The following TENM1 variants were observed in gnomAD, a reference collection of about 807,000 sequenced individuals.
TENM1 encodes the protein teneurin-1.
Under a neutral mutation model 174.8 loss-of-function variants are expected in TENM1, and 35 were observed. The observed-to-expected ratio is 0.20, with a 90% confidence interval of 0.15 to 0.27. TENM1 has a LOEUF of 0.27. Ranked by LOEUF, TENM1 falls within the 10% of genes least tolerant of loss-of-function variation. The pLI is 1.00. For missense variants in TENM1, 1,633 were observed against 2,130.1 expected (o/e 0.77, Z 4.59); for synonymous variants, 781 against 798.7 (o/e 0.98, Z 0.37).
intron 23 of TENM1, among the ~76,000 whole-genome samples, chrX:124,437,560 G>A (rs191932414): frequency 8.9e-6 from 1 of 111,894 alleles, no homozygotes; most frequent in East Asian, 2.8e-4. Flanking sequence ...GGTCGATCAT[G>A]TGACTCTCCC....
chrX:124,513,222 G>A (rs1394986423), intron 18 of TENM1, among the ~76,000 whole-genome samples: 2 of 111,509 alleles, frequency 1.8e-5, no homozygotes, highest in African/African-American at 6.5e-5. Context: ...GCCTTTTCCA[G>A]CTTCTAGTAG....
chrX:124,972,534 T>C, the TENM1 span, among the ~76,000 whole-genome samples: 10,720 of 111,741 alleles, frequency 0.096, 1,230 homozygotes, highest in African/African-American at 0.33. Context: ...AATTATAGTT[T>C]GATTGAATTC....
chrX:125,172,848 C>T, the TENM1 span, among the ~76,000 whole-genome samples: 2 of 111,378 alleles, frequency 1.8e-5, no homozygotes, highest in Non-Finnish European at 3.8e-5. Flanking sequence ...GCAAATACTA[C>T]ACAAATATTG....
intron 1 of TENM1, among the ~76,000 whole-genome samples, chrX:124,921,011 A>T (rs1309470145): frequency 6.6e-5 from 6 of 90,502 alleles, no homozygotes; most frequent in Non-Finnish European, 8.7e-5. Context: ...TTTTTTTTTT[A>T]AAGACCTTAC....
At chrX:125,202,155 A>G in the TENM1 span, among the ~76,000 whole-genome samples, 1 of 111,944 alleles carries the variant, frequency 8.9e-6, no homozygotes, top group African/African-American at 3.3e-5. Context: ...GAACTGGGCT[A>G]TTTCAGCCAA....
At chrX:124,476,370 C>G (rs1472804571) in intron 22 of TENM1, among the ~76,000 whole-genome samples, 1 of 111,977 alleles carries the variant, frequency 8.9e-6, no homozygotes, top group Non-Finnish European at 1.9e-5. Context: ...TTCTTAATTT[C>G]CAATAAAGTT....
chrX:124,834,557 C>T (rs373979167), intron 3 of TENM1, among the ~76,000 whole-genome samples: 15 of 111,871 alleles, frequency 1.3e-4, no homozygotes, highest in African/African-American at 4.9e-4. Context: ...CTTGTAACTG[C>T]TGCTAAGGGG....
At chrX:125,001,852 TACAC>T in the TENM1 span, among the ~76,000 whole-genome samples, 3,578 of 84,826 alleles carry the variant, frequency 0.042, 221 homozygotes, top group African/African-American at 0.14. Flanking sequence ...TATAGATAGA[TACAC>T]ACACACACAC....
chrX:125,197,082 T>G, the TENM1 span, among the ~76,000 whole-genome samples: 1 of 111,618 alleles, frequency 9.0e-6, no homozygotes, highest in Admixed American at 9.5e-5. Context: ...ACCATGCAAC[T>G]GGGAAATTTT....
intron 3 of TENM1, among the ~76,000 whole-genome samples, chrX:124,854,707 T>C (rs1052626349): frequency 4.5e-5 from 5 of 111,691 alleles, no homozygotes; most frequent in Non-Finnish European, 7.5e-5. Flanking sequence ...AAATACTATC[T>C]GGGAAAGAAA....
At chrX:125,085,309 T>A in the TENM1 span, among the ~76,000 whole-genome samples, 7 of 111,027 alleles carry the variant, frequency 6.3e-5, no homozygotes, top group Non-Finnish European at 1.1e-4. Flanking sequence ...TTCATTTTGT[T>A]GGCTTTCAGA....
chrX:124,516,180 C>T (rs1187403959), intron 18 of TENM1, among the ~76,000 whole-genome samples: 7 of 111,967 alleles, frequency 6.3e-5, no homozygotes, highest in African/African-American at 1.9e-4. Context: ...CCCTTACTTA[C>T]ACCATATACA....
chrX:125,100,399 A>C, the TENM1 span, among the ~76,000 whole-genome samples: 2 of 111,833 alleles, frequency 1.8e-5, no homozygotes, highest in African/African-American at 6.5e-5. Context: ...TGGACGATAC[A>C]AAAGAAAAAT....
chrX:124,646,852 C>A, intron 8 of TENM1, 42 bp from the exon 12 acceptor site: 1 of 959,099 alleles, frequency 1.0e-6, no homozygotes, highest in Non-Finnish European at 1.5e-6. Flanking sequence ...GAACGCATCT[C>A]CAGGCTGTAG....
the TENM1 span, among the ~76,000 whole-genome samples, chrX:125,148,326 C>T: frequency 9.0e-6 from 1 of 110,831 alleles, no homozygotes; most frequent in African/African-American, 3.3e-5. Flanking sequence ...TCCTTCCATA[C>T]CTGCTCATTC....
the TENM1 span, among the ~76,000 whole-genome samples, chrX:125,065,574 G>C: frequency 5.3e-5 from 6 of 112,294 alleles, no homozygotes; most frequent in Non-Finnish European, 3.8e-5. Context: ...CAGTTCTTTA[G>C]AGAAAGACTA....
chrX:125,056,230 T>C, the TENM1 span, among the ~76,000 whole-genome samples: 1 of 111,644 alleles, frequency 9.0e-6, no homozygotes, highest in Admixed American at 9.6e-5. Flanking sequence ...ATATAAGCTG[T>C]CTTTAAGCAA....
At chrX:124,687,445 A>T (rs1005362202) in intron 5 of TENM1, among the ~76,000 whole-genome samples, 1 of 112,188 alleles carries the variant, frequency 8.9e-6, no homozygotes, top group Non-Finnish European at 1.9e-5. Context: ...TGGATTGAAG[A>T]CTTAAAAGTA....
chrX:124,392,141 T>TC lies in TENM1; in HGVS notation c.5598dup (p.Asn1867GlufsTer2). 8.3e-7 allele frequency: 1 copy of TC among 1,210,570 alleles called. No homozygotes were observed. ...CTCTGGTCATATTCCATTTTTTCATTCCACGTTCCTCTTTGAATAAACGTC... is the reference window on the plus strand; with the variant it reads ...CTCTGGTCATATTCCATTTTTTCATTCCCACGTTCCTCTTTGAATAAACGTC... On this transcript the variant is annotated frameshift_variant, in exon 28 of 32. Coordinates refer to ENST00000422452, the Ensembl canonical transcript of TENM1. LOFTEE classifies it high-confidence loss of function.
Sources: allele counts gnomAD v4.1 joint callset (sites outside exome capture counted in the v4.1 genomes callset), GRCh38; gene constraint gnomAD v4.1.1; transcripts MANE v1.5; gene names NCBI Gene and HGNC (gene_info 2026-07-23, HGNC 2026-07-21).